The following CHD6 variants were observed in gnomAD, a reference collection of about 807,000 sequenced individuals.
The protein encoded by CHD6 is chromodomain helicase DNA binding protein 6.
CHD6 carries 50 observed loss-of-function variants against 276.9 expected under a neutral mutation model. The ratio of observed to expected loss-of-function variants is 0.18; its 90% CI spans 0.14 to 0.23. The LOEUF (loss-of-function observed/expected upper bound fraction) is 0.23, where lower values mean the gene tolerates loss of function less well. CHD6 is among the 10% of genes least tolerant of loss of function. CHD6 has a pLI of 1.00. For missense variants in CHD6, 2,564 were observed against 3,365.8 expected (o/e 0.76, Z 5.89); for synonymous variants, 1,173 against 1,229.3 (o/e 0.95, Z 0.96).
intron 1 of CHD6, among the ~76,000 whole-genome samples, chr20:41,586,923 C>A (rs938569853): frequency 1.3e-5 from 2 of 152,204 alleles, no homozygotes; most frequent in Non-Finnish European, 2.9e-5. Context: ...CATCTAATTT[C>A]ATCACACTGA....
At position 41,473,145 on chromosome 20, in the gene CHD6, GA is replaced by G; in HGVS notation, c.2664+176del. The G allele has an allele frequency of 1.8e-6, 1 of 553,024 alleles. No individual in the cohort carries two copies. Among genetic ancestry groups the G allele is most frequent in the South Asian group, 2.9e-5 (1 of 35,028 alleles). The allele number at this position is 553,024 out of a possible 1,614,324, so 34.3% of individuals were successfully genotyped here. ...AAGAACCACACTCTCTAATTAGTTG[GA>G]AGGGTCGACATTTACTTTTCATTCA... On this transcript the variant is annotated intron_variant, in intron 17 of 36. Transcript: ENST00000373233. This position sits in a 1 kb window ranked among gnomAD's most constrained non-coding sequence, Gnocchi z 4.1.
intron 1 of CHD6, among the ~76,000 whole-genome samples, chr20:41,559,755 T>C (rs1166573100): frequency 1.3e-5 from 2 of 152,144 alleles, no homozygotes; most frequent in Admixed American, 6.5e-5. Context: ...AGCCCTCCTC[T>C]TGACCTCTAT....
Position 41,404,925 on chromosome 20 carries a change from G to C in CHD6, c.7816C>G (p.Pro2606Ala). ...ATGAGAAATGGGTTAAAAGCCACAGGACTACTAGTAGTTATTGCAGGTTCA... is the reference window on the plus strand; with the variant it reads ...ATGAGAAATGGGTTAAAAGCCACAGCACTACTAGTAGTTATTGCAGGTTCA... ...QSEPAITTSS[P>A]VAFNPFLIPG... The change falls in exon 37 of 37, where the codon CCT becomes GCT. Residue 2606 changes from proline (P) to alanine (A), a missense_variant. Pro to Ala is a conservative substitution (Grantham distance 27). Transcript: ENST00000373233. 1 of 1,614,118 alleles carries C rather than the reference G, an allele frequency of 6.2e-7. No individual in the cohort carries two copies. The highest frequency in any genetic ancestry group is 1.3e-5 in the African/African-American group (1 of 75,048).
At chr20:41,559,706 A>C (rs2045281044) in intron 1 of CHD6, among the ~76,000 whole-genome samples, 1 of 152,056 alleles carries the variant, frequency 6.6e-6, no homozygotes, top group Non-Finnish European at 1.5e-5. Context: ...CCCAAACTTC[A>C]TCTCTTTGCA....
chr20:41,452,688 CAG>C lies in CHD6; in HGVS notation c.3323+50_3323+51del, dbSNP rs2048274486. The C allele has an allele frequency of 1.3e-6, 2 of 1,523,638 alleles. No individual in the cohort carries two copies. Among genetic ancestry groups the C allele is most frequent in the South Asian group, 2.3e-5 (2 of 87,000 alleles). The allele number at this position is 1,523,638 out of a possible 1,614,324, so 94.4% of individuals were successfully genotyped here. ...TAGACAAATCTCAGGGACTGAAAAA[CAG>C]AGGGGAACAAACAACAATAACAACA... On this transcript the variant is annotated intron_variant, in intron 21 of 36. Transcript: ENST00000373233. This position sits in a 1 kb window ranked among gnomAD's most constrained non-coding sequence, Gnocchi z 4.2.
intron 1 of CHD6, among the ~76,000 whole-genome samples, chr20:41,553,713 T>C (rs2045180060): frequency 6.6e-6 from 1 of 152,270 alleles, no homozygotes; most frequent in Non-Finnish European, 1.5e-5. Context: ...GTACCCTTTC[T>C]GCAGAAAGTA....
At chr20:41,434,483 G>GCCTCATA (rs1182500160) in intron 27 of CHD6, among the ~76,000 whole-genome samples, 1 of 152,150 alleles carries the variant, frequency 6.6e-6, no homozygotes, top group African/African-American at 2.4e-5. Flanking sequence ...TGGTTCTCAT[G>GCCTCATA]CCTCAGCCTC....
chr20:41,570,409 G>A (rs1241617022), intron 1 of CHD6, among the ~76,000 whole-genome samples: 1 of 152,176 alleles, frequency 6.6e-6, no homozygotes, highest in Non-Finnish European at 1.5e-5. Context: ...TGTGAACTCA[G>A]TATCTAGGAC....
chr20:41,539,381 T>C (rs2044896475), intron 2 of CHD6, among the ~76,000 whole-genome samples: 1 of 152,190 alleles, frequency 6.6e-6, no homozygotes. Context: ...AGTGGTTATC[T>C]TGGTAGGAAT....
intron 1 of CHD6, among the ~76,000 whole-genome samples, chr20:41,586,058 G>A (rs536802771): frequency 6.6e-6 from 1 of 152,246 alleles, no homozygotes; most frequent in East Asian, 1.9e-4. Context: ...ATCATATATC[G>A]CCTGAGAGCA....
intron 25 of CHD6, among the ~76,000 whole-genome samples, chr20:41,442,430 T>G (rs2047929846): frequency 6.6e-6 from 1 of 152,150 alleles, no homozygotes; most frequent in South Asian, 2.1e-4. Context: ...CCAGCCTGAG[T>G]GACAGAGTGA....
chr20:41,506,486 A>T (rs1453116317), intron 5 of CHD6, among the ~76,000 whole-genome samples: 1 of 152,014 alleles, frequency 6.6e-6, no homozygotes, highest in African/African-American at 2.4e-5. Flanking sequence ...ACCTCCTTCA[A>T]TTATTTGCTC....
intron 36 of CHD6, among the ~76,000 whole-genome samples, chr20:41,406,023 A>T (rs1569037336): frequency 1.3e-5 from 2 of 152,194 alleles, no homozygotes; most frequent in African/African-American, 2.4e-5. Flanking sequence ...GAGTTTAAGT[A>T]AAAAAGGACA....
intron 30 of CHD6, 135 bp downstream of exon 30, chr20:41,423,357 A>C (rs2047257442): frequency 2.6e-6 from 2 of 769,010 alleles, no homozygotes; most frequent in Admixed American, 4.5e-5. Context: ...ATGAATTTCT[A>C]AAAGCCACTC....
intron 15 of CHD6, 118 bp from the exon 16 acceptor site, chr20:41,483,637 A>G (rs988090079): frequency 1.1e-5 from 8 of 717,796 alleles, no homozygotes; most frequent in African/African-American, 1.8e-5. Flanking sequence ...CCAGCAGTCC[A>G]GTGAGGAGAT....
rs780754391 is a variant in CHD6 at position 41,420,843 on chromosome 20, G to C, written c.5792C>G (p.Pro1931Arg). 1.9e-6 allele frequency: 3 copies of C among 1,614,172 alleles called. No homozygotes were observed. The highest frequency in any genetic ancestry group is 2.5e-6 in the Non-Finnish European group (3 of 1,180,046). Residue 1931 changes from proline to arginine, a missense_variant, in exon 31 of 37, where the codon CCC becomes CGC. Around this residue, in one of 7 missense-constraint regions of CHD6, gnomAD observed 1,024 missense variants for 1,047.9 expected, o/e 0.98. Coordinates refer to ENST00000373233, the MANE Select transcript of CHD6 (RefSeq NM_032221.5). ...GTGGCACTGACAGGCTGCTGGAGCG[G>C]GGAAAGCCCTCTGTAGCCCAGGAGT... ...NQTPGLQRAFPAPAACQCHCK... is the reference protein window; with the variant it reads ...NQTPGLQRAFRAPAACQCHCK...
intron 1 of CHD6, among the ~76,000 whole-genome samples, chr20:41,558,904 G>A (rs1053016923): frequency 1.3e-5 from 2 of 151,918 alleles, no homozygotes; most frequent in African/African-American, 4.8e-5. Context: ...CCTCCACCAG[G>A]TACTTATTAC....
chr20:41,455,209 T>C (rs542150657), intron 19 of CHD6, among the ~76,000 whole-genome samples: 26 of 152,194 alleles, frequency 1.7e-4, no homozygotes, highest in Non-Finnish European at 3.5e-4. Flanking sequence ...TAAAAAACTT[T>C]CAGGTGTCAC....
chr20:41,614,145 A>G (rs1175731680), intron 1 of CHD6, among the ~76,000 whole-genome samples: 1 of 152,176 alleles, frequency 6.6e-6, no homozygotes, highest in Non-Finnish European at 1.5e-5. Context: ...ACTATCCCTT[A>G]TAAGTATCCT....
Sources: gnomAD v4.1 joint callset for allele counts (sites outside exome capture counted in the v4.1 genomes callset) on GRCh38, gnomAD v4.1.1 for gene constraint, gnomAD v4.1.1 regional missense constraint, Gnocchi (gnomAD v3.1) non-coding constraint, MANE v1.5 for transcripts, NCBI Gene and HGNC (gene_info 2026-07-23, HGNC 2026-07-21) for gene names.